AP2B1: variants seen among roughly 807,000 people sequenced by gnomAD.
AP2B1 encodes the protein AP-2 complex subunit beta.
In AP2B1, 23 loss-of-function variants were observed where a neutral mutation model predicts 102.0. The observed-to-expected ratio is 0.23, with a 90% CI of 0.16 to 0.32. The LOEUF (loss-of-function observed/expected upper bound fraction) is 0.32, where lower values mean the gene tolerates loss of function less well. AP2B1 is among the 10% of genes least tolerant of loss of function. The probability of loss-of-function intolerance (pLI) is 1.00; values close to 1 mark genes in which losing one functional copy is unlikely to be tolerated. For synonymous variants in AP2B1, 381 were observed against 421.2 expected, an observed-to-expected ratio of 0.90 and a Z score of 1.17; for missense variants, 541 against 1,157.4, an observed-to-expected ratio of 0.47 and a Z score of 7.73.
chr17:35,640,013 T>C (rs1291143002), intron 11 of AP2B1, among the ~76,000 whole-genome samples: 2 of 151,924 alleles, frequency 1.3e-5, no homozygotes, highest in East Asian at 3.9e-4. Context: ...GCCTCCTGGG[T>C]TCAAGCGATT....
chr17:35,608,243 C>T lies in AP2B1; in HGVS notation c.381C>T (p.Arg127=). ...KITEYLCEPL[R]KCLKDEDPYV... is the part of the protein sequence containing the mutation. ...CAGAATATCTCTGTGAGCCGCTCCG[C>T]AAGTGCTTGAAGGATGAGGATCCCT... Residue 127 remains arginine (R), a synonymous_variant, in exon 5 of 22, where the codon CGC becomes CGT. Coordinates refer to ENST00000610402, the MANE Select transcript of AP2B1 (RefSeq NM_001030006.2). 1 of 1,614,146 alleles carries T rather than the reference C, an allele frequency of 6.2e-7. No homozygotes were observed.
intron 5 of AP2B1, among the ~76,000 whole-genome samples, chr17:35,617,890 A>G (rs1272667951): frequency 1.3e-5 from 2 of 152,072 alleles, no homozygotes; most frequent in African/African-American, 2.4e-5. Flanking sequence ...TTGTTTATCG[A>G]TATTTATTTG....
At chr17:35,589,124 CTGTTA>C (rs901883723) in intron 1 of AP2B1, among the ~76,000 whole-genome samples, 2 of 152,078 alleles carry the variant, frequency 1.3e-5, no homozygotes, top group Non-Finnish European at 2.9e-5. Flanking sequence ...ACTTTGTAGT[CTGTTA>C]TGTTTAAATA....
intron 5 of AP2B1, among the ~76,000 whole-genome samples, chr17:35,615,123 C>A (rs1235892028): frequency 6.6e-6 from 1 of 152,050 alleles, no homozygotes; most frequent in South Asian, 2.1e-4. Flanking sequence ...GGTTGTGAAA[C>A]CCTGGATTAT....
At chr17:35,622,278 C>T (rs983895974) in intron 5 of AP2B1, among the ~76,000 whole-genome samples, 3 of 152,196 alleles carry the variant, frequency 2.0e-5, no homozygotes, top group African/African-American at 7.2e-5. Flanking sequence ...TTCATCTTAG[C>T]ATCTTTGTTC....
intron 18 of AP2B1, among the ~76,000 whole-genome samples, chr17:35,708,551 G>A (rs1238263881): frequency 3.3e-5 from 5 of 152,092 alleles, no homozygotes; most frequent in Admixed American, 2.6e-4. Flanking sequence ...TCGCTTAAAG[G>A]TTTTTTGTTC....
chr17:35,629,010 A>G lies in AP2B1; in HGVS notation c.1155+1284A>G, dbSNP rs1185113428. The stretch of plus-strand genomic sequence containing the variant: ...GTTGCCCAGGCTGGAGTGCAGTGGT[A>G]TGATCTCGGCTCACTGCAACCTCTG... On this transcript the variant is annotated intron_variant, in intron 9 of 21. Transcript: ENST00000610402. Among the ~76,000 whole-genome samples the G allele has an allele frequency of 3.3e-5, 5 of 151,584 alleles. No homozygotes were observed. In the South Asian group the frequency reaches 8.3e-4, roughly 25 times the overall value.
At chr17:35,602,205 C>G (rs1206095454) in intron 3 of AP2B1, among the ~76,000 whole-genome samples, 1 of 151,974 alleles carries the variant, frequency 6.6e-6, no homozygotes, top group Non-Finnish European at 1.5e-5. Context: ...TTTTTACTGT[C>G]TAGTTGATGA....
chr17:35,606,336 T>C (rs1390469484), intron 4 of AP2B1, among the ~76,000 whole-genome samples: 1 of 151,920 alleles, frequency 6.6e-6, no homozygotes, highest in Non-Finnish European at 1.5e-5. Context: ...GCCTCCCAGG[T>C]TCAAGTGATT....
intron 8 of AP2B1, 21 bp from the exon 9 acceptor site, chr17:35,627,610 A>G: frequency 1.2e-6 from 2 of 1,613,482 alleles, no homozygotes; most frequent in East Asian, 2.2e-5. Context: ...TTAATGATTA[A>G]CCACTTCCTG....
chr17:35,697,795 C>T (rs2076168847), intron 18 of AP2B1, among the ~76,000 whole-genome samples: 2 of 152,274 alleles, frequency 1.3e-5, no homozygotes, highest in Middle Eastern at 3.4e-3. Flanking sequence ...AACCCCATCT[C>T]TACCAAAAAT....
At chr17:35,710,931 C>A (rs2076433876) in intron 20 of AP2B1, among the ~76,000 whole-genome samples, 1 of 152,080 alleles carries the variant, frequency 6.6e-6, no homozygotes, top group African/African-American at 2.4e-5. Context: ...TAGTTGGTAA[C>A]CTTTTACTAC....
At chr17:35,610,232 C>A (rs1279213650) in intron 5 of AP2B1, among the ~76,000 whole-genome samples, 1 of 151,820 alleles carries the variant, frequency 6.6e-6, no homozygotes, top group Non-Finnish European at 1.5e-5. Context: ...GGAACCTCTA[C>A]CTTCTGGGTT....
At chr17:35,645,076 A>C (rs2074891777) in intron 12 of AP2B1, among the ~76,000 whole-genome samples, 1 of 152,124 alleles carries the variant, frequency 6.6e-6, no homozygotes, top group Admixed American at 6.5e-5. Context: ...TGCCTATGTA[A>C]GTCTTTTTAC....
At chr17:35,710,164 G>C in intron 19 of AP2B1, 70 bp from the exon 20 acceptor site, 2 of 1,101,560 alleles carry the variant, frequency 1.8e-6, no homozygotes, top group South Asian at 1.3e-5. Context: ...GAAAAATGAT[G>C]CAAGGCATCG....
At chr17:35,692,916 T>C (rs1401615168) in intron 18 of AP2B1, among the ~76,000 whole-genome samples, 1 of 152,070 alleles carries the variant, frequency 6.6e-6, no homozygotes, top group Non-Finnish European at 1.5e-5. Context: ...ATACCACCAG[T>C]GATTTGCTAC....
intron 18 of AP2B1, among the ~76,000 whole-genome samples, chr17:35,702,027 G>C (rs1401011404): frequency 1.3e-5 from 2 of 152,178 alleles, no homozygotes; most frequent in African/African-American, 4.8e-5. Flanking sequence ...TTCTGTGCCA[G>C]TCACTATTCT....
intron 14 of AP2B1, among the ~76,000 whole-genome samples, chr17:35,667,647 T>G (rs760594446): frequency 6.6e-6 from 1 of 152,350 alleles, no homozygotes; most frequent in Middle Eastern, 3.4e-3. Context: ...TTTCCTTTGG[T>G]CTAAACACTA....
intron 14 of AP2B1, among the ~76,000 whole-genome samples, chr17:35,664,240 C>T (rs1240586510): frequency 3.3e-5 from 5 of 152,074 alleles, no homozygotes; most frequent in African/African-American, 7.2e-5. Context: ...AGTTTTGACC[C>T]GGCTGGGAGA....
Sources: allele counts gnomAD v4.1 joint callset (sites outside exome capture counted in the v4.1 genomes callset), GRCh38; gene constraint gnomAD v4.1.1; transcripts MANE v1.5; gene names NCBI Gene and HGNC (gene_info 2026-07-23, HGNC 2026-07-21).